ACTR8: variants seen among roughly 807,000 people sequenced by gnomAD.
The protein encoded by ACTR8 is actin related protein 8.
Under a neutral mutation model 84.3 loss-of-function variants are expected in ACTR8, and 70 were observed. The ratio of observed to expected loss-of-function variants is 0.83; its 90% CI spans 0.68 to 1.01. The LOEUF (loss-of-function observed/expected upper bound fraction) is 1.01. Ranked by LOEUF, ACTR8 falls within the 50% of genes least tolerant of loss-of-function variation. ACTR8 has a pLI of 0.00. For synonymous variants in ACTR8, 268 were observed against 275.2 expected (o/e 0.97, Z 0.26); for missense variants, 672 against 775.4 (o/e 0.87, Z 1.58).
intron 11 of ACTR8, 185 bp downstream of exon 11, chr3:53,871,047 A>G (rs1699875804): frequency 3.7e-6 from 3 of 806,938 alleles, no homozygotes; most frequent in Non-Finnish European, 5.6e-6. Context: ...GGCCTCTTCC[A>G]CTAGGCTATA....
chr3:53,877,806 A>C (rs1276930719), intron 3 of ACTR8, 55 bp from the exon 4 acceptor site: 2 of 1,462,638 alleles, frequency 1.4e-6, no homozygotes, highest in African/African-American at 2.8e-5. Context: ...CGGGGGCAAC[A>C]TAAGGGTCTC....
downstream of ACTR8, among the ~76,000 whole-genome samples, chr3:53,866,458 T>C (rs1699781557): frequency 6.6e-6 from 1 of 152,180 alleles, no homozygotes; most frequent in Admixed American, 6.5e-5. Context: ...TTTTTACTCT[T>C]CTAAAAGCAT....
At chr3:53,859,633 TAAAG>T in the ACTR8 span, 1 of 153,262 alleles carries the variant, frequency 6.5e-6, no homozygotes, top group African/African-American at 2.4e-5. Context: ...ATTAATTCCT[TAAAG>T]AACCAAAAAA....
chr3:53,874,614 C>A (rs920062369), intron 7 of ACTR8, among the ~76,000 whole-genome samples: 3 of 152,012 alleles, frequency 2.0e-5, no homozygotes, highest in Non-Finnish European at 4.4e-5. Flanking sequence ...ATCCCAGCTA[C>A]TCGGGAGGCT....
In ACTR8 at chr3:53,876,716, A is replaced by G; in HGVS notation, c.685-3T>C. On this transcript the variant is annotated splice_polypyrimidine_tract_variant and splice_region_variant and intron_variant, in intron 5 of 12. Coordinates refer to ENST00000335754, the MANE Select transcript of ACTR8 (RefSeq NM_022899.5). ...ATTAACAAGATACATCTATAATACT[A>G]AAAAGAAGAACAAAGATAAAAGGGT... 1 of 1,438,356 alleles carries G rather than the reference A, an allele frequency of 7.0e-7. No individual in the cohort carries two copies. The highest frequency in any genetic ancestry group is 9.6e-7 in the Non-Finnish European group (1 of 1,041,250). The allele number at this position is 1,438,356 out of a possible 1,614,324, so 89.1% of individuals were successfully genotyped here.
chr3:53,865,330 A>T (rs1186418426), downstream of ACTR8: 4 of 1,571,348 alleles, frequency 2.5e-6, no homozygotes, highest in Admixed American at 1.8e-5. Context: ...GAAGCAAGAG[A>T]CCTTAAAGGC....
chr3:53,881,661 A>C, intron 1 of ACTR8: 2 of 461,092 alleles, frequency 4.3e-6, no homozygotes, highest in South Asian at 2.1e-5. Context: ...GCGGCTGGTT[A>C]TCACCGTGGT....
At chr3:53,865,332 C>T, downstream of ACTR8, 1 of 1,564,756 alleles carries the variant, frequency 6.4e-7, no homozygotes, top group South Asian at 1.1e-5. Flanking sequence ...AGCAAGAGAC[C>T]TTAAAGGCTT....
rs1364596809 is a variant in ACTR8, at chr3:53,874,308, T to C, written c.968A>G (p.Gln323Arg). The C allele has an allele frequency of 6.2e-7, 1 of 1,614,230 alleles. No homozygotes were observed. Among genetic ancestry groups the C allele is most frequent in the Non-Finnish European group, 8.5e-7 (1 of 1,180,028 alleles). The change falls in exon 8 of 13, where the codon CAG (glutamine) becomes CGG (arginine). Residue 323 changes from glutamine (Q) to arginine (R), a missense_variant. Transcript: ENST00000335754. Reference sequence around the variant, plus strand: ...TTCTCTGTAAGGGAACCCAGCTCGCTGCATTAGCCAGTAAAAACATCTTGA... The same window carrying C: ...TTCTCTGTAAGGGAACCCAGCTCGCCGCATTAGCCAGTAAAAACATCTTGA... ...DVSRCFYWLMQRAGFPYRECQ... is the reference protein window; with the variant it reads ...DVSRCFYWLMRRAGFPYRECQ...
At position 53,880,102 on chromosome 3, in the gene ACTR8, T is replaced by C; in HGVS notation, c.131A>G (p.Gln44Arg). The C allele has an allele frequency of 6.2e-7, 1 of 1,613,580 alleles. No homozygotes were observed. The highest frequency in any genetic ancestry group is 8.5e-7 in the Non-Finnish European group (1 of 1,179,562). ...ATGTATGACAATGATGAAGTTGCTCTGGATTTGCTGCAGATATAAAACATA... is the reference window on the plus strand; with the variant it reads ...ATGTATGACAATGATGAAGTTGCTCCGGATTTGCTGCAGATATAAAACATA... ...LVPESLQEQI[Q>R]SNFIIVIHPG... The change falls in exon 2 of 13, where the codon CAG becomes CGG. Residue 44 changes from glutamine to arginine, a missense_variant. By Grantham distance (43) the Gln-to-Arg change is conservative (BLOSUM62 1). Transcript: ENST00000335754.
At chr3:53,872,619 G>T in intron 9 of ACTR8, 95 bp from the exon 10 acceptor site, 1 of 1,391,572 alleles carries the variant, frequency 7.2e-7, no homozygotes. Flanking sequence ...AAAACTGGCA[G>T]ATCAGATTCC....
At chr3:53,863,216 G>A (rs1034955145), downstream of ACTR8, among the ~76,000 whole-genome samples, 4 of 152,202 alleles carry the variant, frequency 2.6e-5, no homozygotes, top group African/African-American at 9.7e-5. Flanking sequence ...GCTATTAGAA[G>A]TTAAGTTGTG....
downstream of ACTR8, among the ~76,000 whole-genome samples, chr3:53,863,466 T>C (rs1299444179): frequency 1.3e-5 from 2 of 152,220 alleles, no homozygotes; most frequent in South Asian, 4.1e-4. Flanking sequence ...ATTTGTGATG[T>C]TGTAAATAAA....
Position 53,881,987 on chromosome 3 carries a change from G to C in ACTR8, c.115C>G (p.Leu39Val). The C allele has an allele frequency of 1.3e-6, 2 of 1,554,062 alleles. No homozygotes were observed. The highest frequency in any genetic ancestry group is 1.7e-6 in the Non-Finnish European group (2 of 1,148,004). Residue 39 changes from leucine (L) to valine (V), a missense_variant, in exon 1 of 13, where the codon CTG becomes GTG. Coordinates refer to ENST00000335754, the MANE Select transcript of ACTR8 (RefSeq NM_022899.5). ...CCCAGCCAGAGCCGCACCTCTTGCA[G>C]CGACTCCGGCACCAGCGCGGGCACG... ...PIVPALVPES[L>V]QEQIQSNFII...
At position 53,879,975 on chromosome 3, in the gene ACTR8, T is replaced by C. The variant is rs1400514835; in HGVS notation, c.258A>G (p.Leu86=). The C allele has an allele frequency of 2.5e-6, 4 of 1,614,016 alleles. No homozygotes were observed. Among genetic ancestry groups the C allele is most frequent in the East Asian group, 2.2e-5 (1 of 44,878 alleles). ...CCCTTAGGAGCCAACTGTCCTTGTA[T>C]AGGGGCTGCCCTTGTTGTTTGTGTC... ...ARRHKQQGQP[L]YKDSWLLREG... Residue 86 remains leucine, a synonymous_variant, in exon 2 of 13, where the codon CTA becomes CTG. Transcript: ENST00000335754.
At position 53,874,305 on chromosome 3, in the gene ACTR8, C is replaced by T. The variant is rs1351632479; in HGVS notation, c.971G>A (p.Arg324Gln). The T allele has an allele frequency of 7.4e-6, 12 of 1,614,036 alleles. No individual in the cohort carries two copies. Among genetic ancestry groups the T allele is most frequent in the South Asian group, 1.1e-5 (1 of 91,074 alleles). Residue 324 changes from arginine to glutamine, a missense_variant, in exon 8 of 13, where the codon CGA becomes CAA. By Grantham distance (43) the Arg-to-Gln change is conservative. Coordinates refer to ENST00000335754, the MANE Select transcript of ACTR8 (RefSeq NM_022899.5). ...VSRCFYWLMQ[R>Q]AGFPYRECQL... ...GCATTCTCTGTAAGGGAACCCAGCT[C>T]GCTGCATTAGCCAGTAAAAACATCT...
chr3:53,877,129 C>A (rs1699987669), intron 5 of ACTR8, 85 bp downstream of exon 5: 1 of 1,352,146 alleles, frequency 7.4e-7, no homozygotes, highest in East Asian at 2.4e-5. Flanking sequence ...AAGAAGGACA[C>A]TATATTACAA....
downstream of ACTR8, chr3:53,865,011 C>G (rs3733078): frequency 1.2e-6 from 2 of 1,614,162 alleles, no homozygotes; most frequent in Non-Finnish European, 1.7e-6. Flanking sequence ...ACAGTGTGTG[C>G]GATGGTACCT....
In ACTR8 at chr3:53,870,015, A is replaced by ATT; in HGVS notation, c.1697_1698insAA (p.Glu568LeufsTer6). 1.9e-6 allele frequency: 3 copies of ATT among 1,614,166 alleles called. No individual in the cohort carries two copies. The highest frequency in any genetic ancestry group is 2.5e-6 in the Non-Finnish European group (3 of 1,180,022). The stretch of plus-strand genomic sequence containing the variant: ...TTGTGATCACATCCACATTTTCAAT[A>ATT]ATTCGCCTGAAGGATGGTGGCATTT... On this transcript the variant is annotated frameshift_variant, in exon 12 of 13. Coordinates refer to ENST00000335754, the MANE Select transcript of ACTR8 (RefSeq NM_022899.5). LOFTEE classifies it high-confidence loss of function. The surrounding 1 kb of genome is among the most constrained non-coding windows in gnomAD (Gnocchi z 4.1).
Sources: allele counts gnomAD v4.1 joint callset (sites outside exome capture counted in the v4.1 genomes callset), GRCh38; gene constraint gnomAD v4.1.1; non-coding constraint Gnocchi (gnomAD v3.1); transcripts MANE v1.5; gene names NCBI Gene and HGNC (gene_info 2026-07-23, HGNC 2026-07-21).